Variants in SNTB1 observed in about 807,000 individuals in gnomAD.
SNTB1 encodes beta-1-syntrophin.
In SNTB1, 36 loss-of-function variants were observed where a neutral mutation model predicts 48.9. The ratio of observed to expected loss-of-function variants is 0.74; its 90% CI spans 0.56 to 0.97. SNTB1 has a LOEUF of 0.97. SNTB1 is among the 50% of genes least tolerant of loss of function. The pLI is 0.00. For synonymous variants in SNTB1, 299 were observed against 294.6 expected (o/e 1.01, Z -0.15); for missense variants, 786 against 703.4 (o/e 1.12, Z -1.33).
chr8:120,792,591 G>A (rs879291357), intron 1 of SNTB1, among the ~76,000 whole-genome samples: 2 of 151,956 alleles, frequency 1.3e-5, no homozygotes, highest in African/African-American at 2.4e-5. Flanking sequence ...TGCTAGCCAA[G>A]TACCGTGGCA....
chr8:120,573,903 G>C (rs1303670582), intron 4 of SNTB1, among the ~76,000 whole-genome samples: 1 of 152,174 alleles, frequency 6.6e-6, no homozygotes, highest in Non-Finnish European at 1.5e-5. Context: ...TTTTATGCCA[G>C]TATCATAAGG....
At chr8:120,807,402 G>A (rs1390271526) in intron 1 of SNTB1, among the ~76,000 whole-genome samples, 1 of 152,186 alleles carries the variant, frequency 6.6e-6, no homozygotes, top group Non-Finnish European at 1.5e-5. Flanking sequence ...TGGAATTACA[G>A]GTCCAATACC....
At chr8:120,610,792 A>G (rs558460256) in intron 3 of SNTB1, among the ~76,000 whole-genome samples, 1 of 152,120 alleles carries the variant, frequency 6.6e-6, no homozygotes. Context: ...CTCTCTGTTA[A>G]GAGACTGCTT....
At chr8:120,765,327 G>A (rs953769165) in intron 1 of SNTB1, among the ~76,000 whole-genome samples, 1 of 152,200 alleles carries the variant, frequency 6.6e-6, no homozygotes, top group African/African-American at 2.4e-5. Flanking sequence ...GAATTTGTGG[G>A]TAGGGATTCC....
intron 4 of SNTB1, among the ~76,000 whole-genome samples, chr8:120,565,293 T>A (rs938340712): frequency 4.6e-5 from 7 of 152,164 alleles, no homozygotes; most frequent in Middle Eastern, 3.2e-3. Context: ...TTGCCATGTG[T>A]CAAGCACTAT....
At position 120,548,928 on chromosome 8, in the gene SNTB1, T is replaced by A; in HGVS notation, c.1167A>T (p.Ser389=). ...RLVHSGPGKG[S]PQAGVDLSFA... ...AGGACAGATCCACACCAGCCTGGGG[T>A]GATCCCTTTCCTGGACCTGAATGGA... The change falls in exon 5 of 7, where the codon TCA becomes TCT. Residue 389 remains serine (S), a synonymous_variant. Transcript: ENST00000517992. The A allele has an allele frequency of 1.3e-6, 2 of 1,598,072 alleles. No individual in the cohort carries two copies. Among genetic ancestry groups the A allele is most frequent in the Non-Finnish European group, 1.7e-6 (2 of 1,172,540 alleles).
At chr8:120,656,457 C>G (rs1377337866) in intron 2 of SNTB1, among the ~76,000 whole-genome samples, 1 of 152,128 alleles carries the variant, frequency 6.6e-6, no homozygotes. Context: ...GAAAAGTCAG[C>G]TAATGTCAAA....
intron 3 of SNTB1, among the ~76,000 whole-genome samples, chr8:120,613,978 A>T (rs1286063860): frequency 6.6e-6 from 1 of 152,150 alleles, no homozygotes; most frequent in Non-Finnish European, 1.5e-5. Context: ...CACGTGCATT[A>T]TTTACCATTT....
intron 2 of SNTB1, among the ~76,000 whole-genome samples, chr8:120,652,377 T>C (rs1312513999): frequency 6.6e-6 from 1 of 152,106 alleles, no homozygotes; most frequent in Non-Finnish European, 1.5e-5. Flanking sequence ...GAATAGAAAG[T>C]GATAGAGAGT....
chr8:120,693,664 T>C, intron 2 of SNTB1, 28 bp downstream of exon 2: 1 of 1,598,834 alleles, frequency 6.3e-7, no homozygotes, highest in South Asian at 1.1e-5. Flanking sequence ...AGCTGCTTGA[T>C]ACAGTGGAGA....
intron 1 of SNTB1, among the ~76,000 whole-genome samples, chr8:120,788,408 T>C (rs1469646746): frequency 6.6e-6 from 1 of 152,094 alleles, no homozygotes; most frequent in Non-Finnish European, 1.5e-5. Flanking sequence ...TGAATGTAAA[T>C]GGTCTAAATG....
At chr8:120,798,464 C>G (rs1439874670) in intron 1 of SNTB1, among the ~76,000 whole-genome samples, 1 of 152,020 alleles carries the variant, frequency 6.6e-6, no homozygotes, top group Non-Finnish European at 1.5e-5. Context: ...GCTAGAGATG[C>G]TGCTAAACAT....
chr8:120,571,146 T>G, intron 4 of SNTB1: 6 of 1,144,836 alleles, frequency 5.2e-6, no homozygotes, highest in Non-Finnish European at 6.6e-6. Context: ...CCAGAAACTG[T>G]GAGAACAAGG....
chr8:120,659,120 T>C (rs773804936), intron 2 of SNTB1, among the ~76,000 whole-genome samples: 2 of 152,046 alleles, frequency 1.3e-5, no homozygotes, highest in African/African-American at 4.8e-5. Context: ...CACGCCACCA[T>C]GTCTGGTTAA....
At chr8:120,794,462 G>A (rs1587168192) in intron 1 of SNTB1, among the ~76,000 whole-genome samples, 2 of 151,364 alleles carry the variant, frequency 1.3e-5, no homozygotes, top group East Asian at 3.9e-4. Flanking sequence ...CAATATATCA[G>A]TAGTGTATGT....
intron 2 of SNTB1, chr8:120,655,006 C>T (rs1334499431): frequency 2.2e-6 from 1 of 455,922 alleles, no homozygotes; most frequent in Non-Finnish European, 4.4e-6. Context: ...TGGTCGCCTT[C>T]AGTTCCTCAA....
intron 1 of SNTB1, among the ~76,000 whole-genome samples, chr8:120,770,270 A>G (rs114084682): frequency 0.01 from 1,534 of 152,292 alleles, 29 homozygotes; most frequent in African/African-American, 0.035. Context: ...ATACAAAGTA[A>G]CAAGAGAAAC....
chr8:120,676,227 T>A (rs536119109), intron 2 of SNTB1, among the ~76,000 whole-genome samples: 1 of 152,252 alleles, frequency 6.6e-6, no homozygotes, highest in East Asian at 1.9e-4. Flanking sequence ...AATTCTATCC[T>A]TCCAAAATTC....
chr8:120,751,578 C>A (rs1365573873), intron 1 of SNTB1, among the ~76,000 whole-genome samples: 1 of 151,996 alleles, frequency 6.6e-6, no homozygotes, highest in Non-Finnish European at 1.5e-5. Flanking sequence ...TTACAACTGG[C>A]CCCCAATTTT....
Sources: allele counts gnomAD v4.1 joint callset (sites outside exome capture counted in the v4.1 genomes callset), GRCh38; gene constraint gnomAD v4.1.1; transcripts MANE v1.5; gene names NCBI Gene and HGNC (gene_info 2026-07-23, HGNC 2026-07-21).